Variants in SLC25A36 observed in about 807,000 individuals in gnomAD.
The protein encoded by SLC25A36 is solute carrier family 25 member 36, also known as epididymis secretory sperm binding protein.
A neutral mutation model predicts 35.3 loss-of-function variants in SLC25A36; 24 were observed. That is an observed-to-expected ratio of 0.68 (90% CI 0.49 to 0.96). SLC25A36 has a LOEUF of 0.96. SLC25A36 is among the 40% of genes least tolerant of loss of function. The probability of loss-of-function intolerance (pLI) is 0.00; values close to 1 mark genes in which losing one functional copy is unlikely to be tolerated. For missense variants in SLC25A36, 294 were observed against 381.1 expected (o/e 0.77, Z 1.90); for synonymous variants, 141 against 132.2 (o/e 1.07, Z -0.46).
chr3:140,960,795 A>G (rs1262229492), intron 3 of SLC25A36, among the ~76,000 whole-genome samples: 7 of 151,736 alleles, frequency 4.6e-5, no homozygotes, highest in Non-Finnish European at 8.8e-5. Context: ...AAAAAAGTCA[A>G]AAGACAGAGA....
At chr3:140,958,554 A>G (rs912093673) in intron 2 of SLC25A36, among the ~76,000 whole-genome samples, 1 of 152,194 alleles carries the variant, frequency 6.6e-6, no homozygotes, top group African/African-American at 2.4e-5. Context: ...AATACTCAGT[A>G]TAGCAACGGT....
At chr3:140,951,821 G>T (rs1310064543) in intron 1 of SLC25A36, among the ~76,000 whole-genome samples, 1 of 151,694 alleles carries the variant, frequency 6.6e-6, no homozygotes, top group African/African-American at 2.4e-5. Flanking sequence ...TTTTAATTTT[G>T]TTTTGTTGTT....
At chr3:140,945,291 C>CA (rs774781889) in intron 1 of SLC25A36, among the ~76,000 whole-genome samples, 2 of 152,198 alleles carry the variant, frequency 1.3e-5, no homozygotes, top group Admixed American at 6.5e-5. Flanking sequence ...CTAATACTAT[C>CA]ACCTTGGGAT....
At position 140,978,823 on chromosome 3, in the gene SLC25A36, A is replaced by G. The variant is rs1408852129; in HGVS notation, c.*2370A>G. The G allele has an allele frequency of 6.6e-6, 1 of 152,168 alleles. No homozygotes were observed. The highest frequency in any genetic ancestry group is 1.5e-5 in the Non-Finnish European group (1 of 68,010). The allele number at this position is 152,168 out of a possible 1,614,324, so 9.4% of individuals were successfully genotyped here. Reference sequence around the variant, plus strand: ...TGACAGAGATAATTCAAAAAGGAAAACTATATATAAAAGTTGTATATAAAG... The same window carrying G: ...TGACAGAGATAATTCAAAAAGGAAAGCTATATATAAAAGTTGTATATAAAG... On this transcript the variant is annotated 3_prime_UTR_variant, in exon 7 of 7. Transcript: ENST00000324194.
chr3:140,959,443 ATT>A lies in SLC25A36; in HGVS notation c.207-13_207-12del. 7.3e-7 allele frequency: 1 copy of A among 1,374,084 alleles called. No homozygotes were observed. The highest frequency in any genetic ancestry group is 1.5e-5 in the South Asian group (1 of 67,726). The allele number at this position is 1,374,084 out of a possible 1,614,324, so 85.1% of individuals were successfully genotyped here. A position where few individuals can be genotyped will look rare whatever the true frequency, so the allele number is the denominator to read the frequency against. On this transcript the variant is annotated intron_variant, in intron 2 of 6. Coordinates refer to ENST00000324194, the MANE Select transcript of SLC25A36 (RefSeq NM_001104647.3). The stretch of plus-strand genomic sequence containing the variant: ...GACTTTGAAAGATATTTCTGATAGA[ATT>A]TTTTTTCTCTCTTTCAGGGTGATCT...
intron 1 of SLC25A36, among the ~76,000 whole-genome samples, chr3:140,949,339 A>G (rs1440222766): frequency 6.6e-6 from 1 of 152,242 alleles, no homozygotes; most frequent in Non-Finnish European, 1.5e-5. Flanking sequence ...ATGTGTCCAC[A>G]TTCCAGTAAA....
intron 6 of SLC25A36, among the ~76,000 whole-genome samples, chr3:140,975,097 CTT>C (rs10662120): frequency 0.012 from 689 of 55,230 alleles, 16 homozygotes; most frequent in African/African-American, 0.036. Context: ...AAGATACATT[CTT>C]TTTTTTTTTT....
At chr3:140,965,237 C>G (rs1279139524) in intron 4 of SLC25A36, 1 of 151,498 alleles carries the variant, frequency 6.6e-6, no homozygotes, top group African/African-American at 2.4e-5. Context: ...AGGCTTTTGC[C>G]CCCTTTGTTC....
At chr3:140,944,463 A>T (rs948217390) in intron 1 of SLC25A36, among the ~76,000 whole-genome samples, 1 of 152,230 alleles carries the variant, frequency 6.6e-6, no homozygotes, top group Non-Finnish European at 1.5e-5. Context: ...GAACGATATC[A>T]TGACAGCCTG....
chr3:140,967,442 T>G (rs1481212095), intron 4 of SLC25A36, among the ~76,000 whole-genome samples: 5 of 151,812 alleles, frequency 3.3e-5, no homozygotes, highest in Admixed American at 2.6e-4. Context: ...AGAACTCTTT[T>G]GCAAAAAAAA....
chr3:140,949,632 CA>C (rs1012270659), intron 1 of SLC25A36, among the ~76,000 whole-genome samples: 18 of 152,164 alleles, frequency 1.2e-4, no homozygotes, highest in Middle Eastern at 3.4e-3. Flanking sequence ...CTGGGTATAC[CA>C]GGGGTATAGT....
chr3:140,974,706 A>G (rs1934991762), intron 6 of SLC25A36, among the ~76,000 whole-genome samples: 1 of 151,932 alleles, frequency 6.6e-6, no homozygotes, highest in Non-Finnish European at 1.5e-5. Flanking sequence ...TGATTTTTGC[A>G]TGTTTAAGAT....
chr3:140,950,900 C>G (rs59514981), intron 1 of SLC25A36, among the ~76,000 whole-genome samples: 38 of 111,672 alleles, frequency 3.4e-4, no homozygotes, highest in Middle Eastern at 4.0e-3. Flanking sequence ...GTGTGTGTCT[C>G]TGTGTGTGTC....
rs1383610714 is a variant in SLC25A36, at chr3:140,977,990, T to C, written c.*1537T>C. 6.6e-6 allele frequency: 1 copy of C among 152,066 alleles called. No individual in the cohort carries two copies. Among genetic ancestry groups the C allele is most frequent in the Non-Finnish European group, 1.5e-5 (1 of 67,988 alleles). 9.4% of individuals were successfully genotyped at this position (152,066 alleles called of 1,614,324 possible). On this transcript the variant is annotated 3_prime_UTR_variant, in exon 7 of 7. Coordinates refer to ENST00000324194, the MANE Select transcript of SLC25A36 (RefSeq NM_001104647.3). ...GCAGAAACAGTGTTCATAACATTTTTCTGGGTTTTAAATATGTTGTTTCGG... is the reference window on the plus strand; with the variant it reads ...GCAGAAACAGTGTTCATAACATTTTCCTGGGTTTTAAATATGTTGTTTCGG...
At chr3:140,952,166 A>C (rs1170406258) in intron 1 of SLC25A36, among the ~76,000 whole-genome samples, 1 of 151,836 alleles carries the variant, frequency 6.6e-6, no homozygotes, top group African/African-American at 2.4e-5. Flanking sequence ...ACAGGCATGC[A>C]CCACCAGGCC....
chr3:140,958,561 C>T (rs926200906), intron 2 of SLC25A36, among the ~76,000 whole-genome samples: 1 of 152,062 alleles, frequency 6.6e-6, no homozygotes, highest in Non-Finnish European at 1.5e-5. Context: ...AGTATAGCAA[C>T]GGTTAACTGA....
chr3:140,975,901 T>G (rs1359723306), intron 6 of SLC25A36, among the ~76,000 whole-genome samples: 1 of 152,222 alleles, frequency 6.6e-6, no homozygotes, highest in East Asian at 1.9e-4. Flanking sequence ...TTTCTCACTG[T>G]ATCCTTTTTA....
chr3:140,971,117 C>T, intron 5 of SLC25A36, 124 bp downstream of exon 5: 3 of 547,960 alleles, frequency 5.5e-6, no homozygotes, highest in Non-Finnish European at 1.0e-5. Context: ...AAACTTGGGT[C>T]TGCCATCAGA....
chr3:140,973,611 C>G, intron 5 of SLC25A36, 105 bp from the exon 6 acceptor site: 5 of 820,022 alleles, frequency 6.1e-6, no homozygotes, highest in East Asian at 6.3e-5. Context: ...TCTAATTCTT[C>G]ATGAGTTAAA....
Sources: gnomAD v4.1 joint callset for allele counts (sites outside exome capture counted in the v4.1 genomes callset) on GRCh38, gnomAD v4.1.1 for gene constraint, MANE v1.5 for transcripts, NCBI Gene and HGNC (gene_info 2026-07-23, HGNC 2026-07-21) for gene names.